The following RAPGEF2 variants were observed in gnomAD, a reference collection of about 807,000 sequenced individuals.
The protein encoded by RAPGEF2 is PDZ domain containing guanine nucleotide exchange factor (GEF) 1.
Under a neutral mutation model 186.7 loss-of-function variants are expected in RAPGEF2, and 54 were observed. The observed-to-expected ratio is 0.29, with a 90% CI of 0.23 to 0.36. RAPGEF2 has a LOEUF of 0.36. Ranked by LOEUF, RAPGEF2 falls within the 10% of genes least tolerant of loss-of-function variation. The pLI is 1.00. For missense variants in RAPGEF2, 1,532 were observed against 2,045.0 expected (o/e 0.75, Z 4.84); for synonymous variants, 712 against 705.9 (o/e 1.01, Z -0.14).
intron 13 of RAPGEF2, 95 bp from the exon 14 acceptor site, chr4:159,331,336 T>G (rs962165050): frequency 3.0e-6 from 2 of 669,788 alleles, no homozygotes; most frequent in Non-Finnish European, 5.1e-6. Flanking sequence ...TATTATTAGG[T>G]AAATTATTTG....
intron 1 of RAPGEF2, among the ~76,000 whole-genome samples, chr4:159,161,140 C>T (rs906537082): frequency 2.6e-5 from 4 of 152,020 alleles, no homozygotes; most frequent in Admixed American, 6.6e-5. Context: ...ACATTAAAAA[C>T]GGATTTCTGT....
chr4:159,144,344 G>A (rs1742669835), intron 1 of RAPGEF2, among the ~76,000 whole-genome samples: 1 of 152,174 alleles, frequency 6.6e-6, no homozygotes, highest in Non-Finnish European at 1.5e-5. Flanking sequence ...TACTGCATTT[G>A]ATCTAGTCCC....
chr4:159,330,600 T>A, intron 13 of RAPGEF2, 102 bp downstream of exon 13: 1 of 837,474 alleles, frequency 1.2e-6, no homozygotes, highest in Non-Finnish European at 1.8e-6. Context: ...ATTAATGTAA[T>A]GAAATAGGAG....
At position 159,285,938 on chromosome 4, in the gene RAPGEF2, A is replaced by G. The variant is rs148253842; in HGVS notation, c.544-18404A>G. 1.7e-4 allele frequency among the ~76,000 whole-genome samples: 26 copies of G among 152,240 alleles called. No homozygotes were observed. In the East Asian group the frequency reaches 4.2e-3, roughly 25 times the overall value. ...TTATAATTTTAAAAATTAAGACTCT[A>G]TATTTAATTGCCCACTGGATATTTT... is the stretch of plus-strand genomic sequence containing the variant. On this transcript the variant is annotated intron_variant, in intron 7 of 29. Coordinates refer to ENST00000691494, the MANE Select transcript of RAPGEF2 (RefSeq NM_001394067.2).
intron 7 of RAPGEF2, among the ~76,000 whole-genome samples, chr4:159,291,595 C>G (rs1369578719): frequency 1.3e-5 from 2 of 152,160 alleles, no homozygotes; most frequent in African/African-American, 4.8e-5. Flanking sequence ...CATGCCTGAC[C>G]AGACAATTTG....
chr4:159,349,575 T>G (rs1481270387), intron 25 of RAPGEF2, among the ~76,000 whole-genome samples: 1 of 152,210 alleles, frequency 6.6e-6, no homozygotes, highest in African/African-American at 2.4e-5. Context: ...CCCTTCTCTT[T>G]CATCTGTTTA....
In RAPGEF2 at chr4:159,131,519, ATTTTTT is replaced by A. The variant is rs35670450; in HGVS notation, c.69+27310_69+27315del. ...TGATATCTTTGTCTGATTAATTGCT[ATTTTTT>A]TTTTTTTTTTTTTTTTTTTTTAGCT... On this transcript the variant is annotated intron_variant, in intron 1 of 29. Coordinates refer to ENST00000691494, the MANE Select transcript of RAPGEF2 (RefSeq NM_001394067.2). Among the ~76,000 whole-genome samples the A allele has an allele frequency of 1.8e-3, 67 of 37,212 alleles. 2 individuals carry two copies. Among genetic ancestry groups the A allele is most frequent in the African/African-American group, 7.5e-3 (62 of 8,304 alleles). The allele number at this position is 37,212 out of a possible 152,430, so 24.4% of individuals were successfully genotyped here.
intron 4 of RAPGEF2, among the ~76,000 whole-genome samples, chr4:159,218,955 T>C (rs1183937452): frequency 3.3e-5 from 5 of 151,844 alleles, no homozygotes; most frequent in African/African-American, 1.2e-4. Flanking sequence ...ATTGGCCAGT[T>C]AATGAAAGTA....
chr4:159,179,475 A>G (rs191284202), intron 1 of RAPGEF2, among the ~76,000 whole-genome samples: 24 of 152,342 alleles, frequency 1.6e-4, no homozygotes, highest in Admixed American at 3.3e-4. Context: ...TTCTTTGTGC[A>G]TCTTAAGAGA....
rs58976339 is a variant in RAPGEF2, at chr4:159,276,971, C to T, written c.544-27371C>T. On this transcript the variant is annotated intron_variant, in intron 7 of 29. Transcript: ENST00000691494. Reference sequence around the variant, plus strand: ...TAAGTTGTAGTGTACATGTGCACAACGTGCAGGTTTGTTACATATGTATAC... The same window carrying T: ...TAAGTTGTAGTGTACATGTGCACAATGTGCAGGTTTGTTACATATGTATAC... Among the ~76,000 whole-genome samples, 490 of 152,176 alleles carry T rather than the reference C, an allele frequency of 3.2e-3. 3 individuals are homozygous for T. Among genetic ancestry groups the T allele is most frequent in the African/African-American group, 0.01 (431 of 41,536 alleles).
At position 159,347,561 on chromosome 4, in the gene RAPGEF2, G is replaced by T. The variant is rs373450270; in HGVS notation, c.3712+563G>T. On this transcript the variant is annotated intron_variant, in intron 25 of 29. Transcript: ENST00000691494. ...GCACTTTGGGAGGCTGAGGCGGGCA[G>T]ATCACGAGGTCAGGAGATCCAGACC... 8.6e-5 allele frequency among the ~76,000 whole-genome samples: 13 copies of T among 151,994 alleles called. No homozygotes were observed. In the East Asian group the frequency reaches 2.3e-3, roughly 27 times the overall value.
At chr4:159,129,888 G>A (rs772862638) in intron 1 of RAPGEF2, among the ~76,000 whole-genome samples, 4 of 152,240 alleles carry the variant, frequency 2.6e-5, no homozygotes, top group South Asian at 4.1e-4. Flanking sequence ...ATAAAAGAAC[G>A]GCTACTCCAT....
At chr4:159,342,000 A>G in intron 20 of RAPGEF2, 53 bp downstream of exon 20, 1 of 1,484,744 alleles carries the variant, frequency 6.7e-7, no homozygotes, top group African/African-American at 1.4e-5. Flanking sequence ...GATTTAAAAT[A>G]TGTATCAGTC....
rs760353954 is a variant in RAPGEF2 at position 159,356,101 on chromosome 4, G to A, written c.4900G>A (p.Glu1634Lys). ...CAAACCTCAGTGGCATAAACCGAAC[G>A]AGTCTGACCCGCGCCTCGCCCCCTA... ...VNKPQWHKPN[E>K]SDPRLAPYQS... Residue 1634 changes from glutamate (E) to lysine (K), a missense_variant, in exon 29 of 30, where the codon GAG becomes AAG. Physicochemically the swap from Glu to Lys is moderately conservative, Grantham distance 56. Coordinates refer to ENST00000691494, the MANE Select transcript of RAPGEF2 (RefSeq NM_001394067.2). 1.1e-5 allele frequency: 17 copies of A among 1,614,064 alleles called. No homozygotes were observed. Among genetic ancestry groups the A allele is most frequent in the South Asian group, 2.2e-5 (2 of 91,084 alleles).
chr4:159,109,710 G>A (rs987863132), intron 1 of RAPGEF2, among the ~76,000 whole-genome samples: 8 of 152,186 alleles, frequency 5.3e-5, no homozygotes, highest in Non-Finnish European at 1.0e-4. Flanking sequence ...GGACTTCCTA[G>A]ATGAATATGT....
intron 26 of RAPGEF2, chr4:159,351,324 G>C: frequency 1.2e-6 from 1 of 833,256 alleles, no homozygotes; most frequent in Non-Finnish European, 1.8e-6. Flanking sequence ...TAAGCAGACT[G>C]TTCAGGGAGG....
intron 4 of RAPGEF2, among the ~76,000 whole-genome samples, chr4:159,230,232 C>T (rs963584783): frequency 4.6e-4 from 70 of 152,248 alleles, no homozygotes; most frequent in African/African-American, 1.4e-3. Flanking sequence ...TCTTATCAAA[C>T]GCTGGTGTCT....
chr4:159,264,851 A>G (rs1757253935), intron 7 of RAPGEF2, among the ~76,000 whole-genome samples: 1 of 152,046 alleles, frequency 6.6e-6, no homozygotes, highest in Non-Finnish European at 1.5e-5. Flanking sequence ...AGCATTATAT[A>G]TTATTTGTCC....
rs1247039513 is a variant in RAPGEF2, at chr4:159,350,304, C to G, written c.3865+15C>G. 1 of 1,529,782 alleles carries G rather than the reference C, an allele frequency of 6.5e-7. No homozygotes were observed. The highest frequency in any genetic ancestry group is 8.8e-7 in the Non-Finnish European group (1 of 1,139,836). 94.8% of individuals were successfully genotyped at this position (1,529,782 alleles called of 1,614,324 possible). ...TCCAAGGAAAGGTAGAATTAAATTA[C>G]TTTTTGTTTTCTTGTATTGAAACCT... On this transcript the variant is annotated intron_variant, in intron 26 of 29. Transcript: ENST00000691494.
Sources: allele counts gnomAD v4.1 joint callset (sites outside exome capture counted in the v4.1 genomes callset), GRCh38; gene constraint gnomAD v4.1.1; transcripts MANE v1.5; gene names NCBI Gene and HGNC (gene_info 2026-07-23, HGNC 2026-07-21).